Variants in EMC2 observed in about 807,000 individuals in gnomAD.
EMC2 encodes TPR repeat protein 35.
EMC2 carries 37 observed loss-of-function variants against 51.6 expected under a neutral mutation model. The ratio of observed to expected loss-of-function variants is 0.72; its 90% CI spans 0.55 to 0.94. EMC2 has a LOEUF of 0.94. EMC2 is among the 40% of genes least tolerant of loss of function. The pLI is 0.00. For missense variants in EMC2, 359 were observed against 350.9 expected (o/e 1.02, Z -0.18); for synonymous variants, 131 against 112.4 (o/e 1.17, Z -1.04).
At chr8:108,461,352 G>T (rs1819314662) in intron 5 of EMC2, among the ~76,000 whole-genome samples, 1 of 152,222 alleles carries the variant, frequency 6.6e-6, no homozygotes, top group African/African-American at 2.4e-5. Context: ...GTGCATGGTA[G>T]TGAGAACAAA....
At chr8:108,458,440 C>G (rs1215410864) in intron 5 of EMC2, among the ~76,000 whole-genome samples, 1 of 152,216 alleles carries the variant, frequency 6.6e-6, no homozygotes, top group Non-Finnish European at 1.5e-5. Context: ...AAACTTCTGC[C>G]TGGACATGTA....
At position 108,443,684 on chromosome 8, in the gene EMC2, A is replaced by G. The variant is rs1818805258; in HGVS notation, c.26A>G (p.Asp9Gly). MAKVSELY[D>G]VTWEEMRDKM... ...ATGGCGAAGGTCTCAGAGCTTTACG[A>G]TGTCACTTGGGAAGGTAACTTCGGG... Residue 9 changes from aspartate (D) to glycine (G), a missense_variant, in exon 1 of 11, where the codon GAT becomes GGT. Coordinates refer to ENST00000220853, the MANE Select transcript of EMC2 (RefSeq NM_014673.5). 1.2e-6 allele frequency: 2 copies of G among 1,610,042 alleles called. No individual in the cohort carries two copies. The highest frequency in any genetic ancestry group is 1.7e-6 in the Non-Finnish European group (2 of 1,177,932).
At chr8:108,448,451 T>C (rs976269449) in intron 1 of EMC2, among the ~76,000 whole-genome samples, 6 of 152,144 alleles carry the variant, frequency 3.9e-5, no homozygotes, top group Non-Finnish European at 7.3e-5. Flanking sequence ...TGTGAGATGA[T>C]TGAATCATGG....
intron 5 of EMC2, among the ~76,000 whole-genome samples, chr8:108,456,332 C>CAAAAAAAAAAAAAAA (rs869162246): frequency 2.5e-4 from 6 of 23,610 alleles, no homozygotes; most frequent in African/African-American, 9.5e-4. Flanking sequence ...GACTTCGTGT[C>CAAAAAAAAAAAAAAA]AAAAAAAAAA....
intron 1 of EMC2, among the ~76,000 whole-genome samples, chr8:108,445,768 C>T (rs1818864799): frequency 6.6e-6 from 1 of 152,206 alleles, no homozygotes; most frequent in African/African-American, 2.4e-5. Flanking sequence ...TGTCACTTCC[C>T]TAGAGCCTGA....
chr8:108,457,631 T>C (rs1262866886), intron 5 of EMC2, among the ~76,000 whole-genome samples: 4 of 152,092 alleles, frequency 2.6e-5, no homozygotes, highest in African/African-American at 9.7e-5. Flanking sequence ...TATCAGAGAC[T>C]CTTTCACTAT....
intron 5 of EMC2, among the ~76,000 whole-genome samples, chr8:108,468,045 A>G (rs918380169): frequency 6.6e-6 from 1 of 152,180 alleles, no homozygotes; most frequent in African/African-American, 2.4e-5. Flanking sequence ...TGTCTTTTGG[A>G]TTTCAAAACA....
rs745859929 is a variant in EMC2, at chr8:108,476,873, C to G, written c.683C>G (p.Ala228Gly). 6.4e-7 allele frequency: 1 copy of G among 1,565,670 alleles called. No individual in the cohort carries two copies. The highest frequency in any genetic ancestry group is 1.4e-5 in the African/African-American group (1 of 73,904). ...ALKLNNRNMR[A>G]LFGLYMSASH... ...AAACTGAACAACAGAAATATGAGAGCTTTGTTTGGACTTTATATGGTGAGT... is the reference window on the plus strand; with the variant it reads ...AAACTGAACAACAGAAATATGAGAGGTTTGTTTGGACTTTATATGGTGAGT... Residue 228 changes from alanine (A) to glycine (G), a missense_variant, in exon 9 of 11, where the codon GCT (alanine) becomes GGT (glycine). Transcript: ENST00000220853.
intron 1 of EMC2, among the ~76,000 whole-genome samples, chr8:108,446,494 C>G (rs965063866): frequency 2.0e-5 from 3 of 150,086 alleles, no homozygotes; most frequent in African/African-American, 5.0e-5. Flanking sequence ...TGTAAATCTT[C>G]GAAATACTTC....
At chr8:108,452,978 G>T in intron 3 of EMC2, 84 bp from the exon 4 acceptor site, 1 of 522,448 alleles carries the variant, frequency 1.9e-6, no homozygotes, top group South Asian at 4.2e-5. Flanking sequence ...TATTCAAGAA[G>T]ACACATTGAA....
chr8:108,448,345 G>A (rs1160051762), intron 1 of EMC2, among the ~76,000 whole-genome samples: 2 of 152,038 alleles, frequency 1.3e-5, no homozygotes, highest in African/African-American at 4.8e-5. Flanking sequence ...TATACTATAC[G>A]TCCTCTATGA....
In EMC2 at chr8:108,488,807, G is replaced by C. The variant is rs536567856; in HGVS notation, c.*2209G>C. On this transcript the variant is annotated 3_prime_UTR_variant, in exon 11 of 11. Coordinates refer to ENST00000220853, the MANE Select transcript of EMC2 (RefSeq NM_014673.5). ...GTGAAGGAAATCAACCATCCATTCT[G>C]TCTCTCTATTGTGGTAGCTACTAAC... Among the ~76,000 whole-genome samples the C allele has an allele frequency of 6.6e-6, 1 of 152,160 alleles. No homozygotes were observed. The highest frequency in any genetic ancestry group is 1.5e-5 in the Non-Finnish European group (1 of 68,028).
chr8:108,446,966 AT>A (rs1211549466), intron 1 of EMC2, among the ~76,000 whole-genome samples: 1 of 152,128 alleles, frequency 6.6e-6, no homozygotes, highest in African/African-American at 2.4e-5. Flanking sequence ...CAGCTATTAT[AT>A]TTTAATATGT....
At chr8:108,451,312 A>C (rs986961574) in intron 3 of EMC2, among the ~76,000 whole-genome samples, 1 of 151,698 alleles carries the variant, frequency 6.6e-6, no homozygotes, top group African/African-American at 2.4e-5. Flanking sequence ...AATGCTTTAC[A>C]TCATGATTTT....
intron 7 of EMC2, among the ~76,000 whole-genome samples, chr8:108,470,460 A>T (rs1810832633): frequency 6.6e-6 from 1 of 152,172 alleles, no homozygotes; most frequent in Non-Finnish European, 1.5e-5. Flanking sequence ...GAATTTTTAG[A>T]GTTCAGATTG....
At chr8:108,470,191 G>A in intron 7 of EMC2, 70 bp downstream of exon 7, 1 of 1,018,758 alleles carries the variant, frequency 9.8e-7, no homozygotes, top group South Asian at 1.3e-5. Flanking sequence ...AAGCACTGTG[G>A]TTTCCAAAGG....
chr8:108,445,599 G>GA (rs1169153672), intron 1 of EMC2, among the ~76,000 whole-genome samples: 68 of 139,454 alleles, frequency 4.9e-4, no homozygotes, highest in African/African-American at 1.3e-3. Flanking sequence ...CACCAAAATT[G>GA]AAAAAAAAAA....
intron 5 of EMC2, among the ~76,000 whole-genome samples, chr8:108,456,856 T>A (rs1224300509): frequency 6.6e-6 from 1 of 152,170 alleles, no homozygotes; most frequent in East Asian, 1.9e-4. Context: ...CGCACACATA[T>A]GCCTGCTAAA....
At chr8:108,445,591 C>T (rs375063089) in intron 1 of EMC2, among the ~76,000 whole-genome samples, 1 of 151,464 alleles carries the variant, frequency 6.6e-6, no homozygotes, top group East Asian at 1.9e-4. Context: ...TCATCCCCCA[C>T]CAAAATTGAA....
Sources: gnomAD v4.1 joint callset for allele counts (sites outside exome capture counted in the v4.1 genomes callset) on GRCh38, gnomAD v4.1.1 for gene constraint, MANE v1.5 for transcripts, NCBI Gene and HGNC (gene_info 2026-07-23, HGNC 2026-07-21) for gene names.